VAPB: variants seen among roughly 807,000 people sequenced by gnomAD.
VAPB encodes the protein VAMP associated protein B and C, also known as vesicle-associated membrane protein-associated protein B/C.
Under a neutral mutation model 25.6 loss-of-function variants are expected in VAPB, and 7 were observed. That is an observed-to-expected ratio of 0.27 (90% CI 0.16 to 0.51). The LOEUF (loss-of-function observed/expected upper bound fraction) is 0.51. VAPB is among the 20% of genes least tolerant of loss of function. VAPB has a pLI of 0.97. For synonymous variants in VAPB, 112 were observed against 109.2 expected (o/e 1.03, Z -0.16); for missense variants, 266 against 301.3 (o/e 0.88, Z 0.87).
At chr20:58,408,642 A>G (rs1242594095) in intron 1 of VAPB, among the ~76,000 whole-genome samples, 4 of 151,988 alleles carry the variant, frequency 2.6e-5, no homozygotes, top group African/African-American at 9.7e-5. Context: ...AAAAAACACC[A>G]TAGAATAATT....
rs1989311671 is a variant in VAPB at position 58,447,111 on chromosome 20, A to G, written c.*2876A>G. ...CTGCTCCTGTGGTTACTGGCTCCAC[A>G]GCACCTCAGAGAGGGCGGCCCTGGC... On this transcript the variant is annotated 3_prime_UTR_variant, in exon 6 of 6. Transcript: ENST00000475243. 4.4e-6 allele frequency: 2 copies of G among 454,128 alleles called. No individual in the cohort carries two copies. Among genetic ancestry groups the G allele is most frequent in the Non-Finnish European group, 4.4e-6 (1 of 226,784 alleles). 28.1% of individuals were successfully genotyped at this position (454,128 alleles called of 1,614,324 possible). A position where few individuals can be genotyped will look rare whatever the true frequency, so the allele number is the denominator to read the frequency against.
chr20:58,413,316 C>T (rs1336457528), intron 1 of VAPB, among the ~76,000 whole-genome samples: 10 of 151,494 alleles, frequency 6.6e-5, no homozygotes, highest in Non-Finnish European at 1.3e-4. Context: ...TGTTTGTGTC[C>T]CTGGGTACTT....
intron 3 of VAPB, among the ~76,000 whole-genome samples, chr20:58,437,156 G>A (rs2123093870): frequency 6.6e-6 from 1 of 151,312 alleles, no homozygotes; most frequent in East Asian, 1.9e-4. Flanking sequence ...TATAGAGTTG[G>A]GGTCTCACTA....
At chr20:58,410,195 TA>T (rs904714642) in intron 1 of VAPB, among the ~76,000 whole-genome samples, 26 of 152,316 alleles carry the variant, frequency 1.7e-4, no homozygotes, top group African/African-American at 6.0e-4. Flanking sequence ...GTACATTGGT[TA>T]CCATTGGTGA....
At chr20:58,398,913 G>A (rs1988028338) in intron 1 of VAPB, among the ~76,000 whole-genome samples, 1 of 151,970 alleles carries the variant, frequency 6.6e-6, no homozygotes, top group Non-Finnish European at 1.5e-5. Context: ...AGATAAGTGG[G>A]AGTGTGCCCT....
rs757744162 is a variant in VAPB at position 58,434,705 on chromosome 20, A to G, written c.315A>G (p.Val105=). 5.6e-6 allele frequency: 8 copies of G among 1,428,908 alleles called. No homozygotes were observed. The highest frequency in any genetic ancestry group is 6.9e-6 in the Non-Finnish European group (7 of 1,011,918). The allele number at this position is 1,428,908 out of a possible 1,614,324, so 88.5% of individuals were successfully genotyped here. ...APTDTSDMEA[V]WKEAKPEDLM... is the part of the protein sequence containing the mutation. ...CTGACACTTCAGATATGGAAGCAGT[A>G]GTAAGTACTGAATGCTTCTTATTTT... The change falls in exon 3 of 6, where the codon GTA becomes GTG. Residue 105 remains valine (V), a splice_region_variant and synonymous_variant. Coordinates refer to ENST00000475243, the MANE Select transcript of VAPB (RefSeq NM_004738.5).
chr20:58,389,639 G>A, intron 1 of VAPB, 122 bp downstream of exon 1: 1 of 1,108,166 alleles, frequency 9.0e-7, no homozygotes, highest in African/African-American at 1.7e-5. Flanking sequence ...GTCGCGGGGG[G>A]CGGCGAGGCC....
Position 58,447,650 on chromosome 20 carries a change from CTG to C in VAPB, c.*3426_*3427del, listed in dbSNP as rs1475340987. 2.8e-6 allele frequency: 1 copy of C among 359,990 alleles called. No individual in the cohort carries two copies. Among genetic ancestry groups the C allele is most frequent in the Non-Finnish European group, 5.3e-6 (1 of 187,090 alleles). 22.3% of individuals were successfully genotyped at this position (359,990 alleles called of 1,614,324 possible). A position where few individuals can be genotyped will look rare whatever the true frequency, so the allele number is the denominator to read the frequency against. On this transcript the variant is annotated 3_prime_UTR_variant, in exon 6 of 6. Coordinates refer to ENST00000475243, the MANE Select transcript of VAPB (RefSeq NM_004738.5). ...TTTCAGATGAATTTGAAAACAGACT[CTG>C]TGTGTGTGTGCATGTGTGCATGTGT...
chr20:58,445,257 C>A lies in VAPB; in HGVS notation c.*1022C>A, dbSNP rs1403046933. 3 of 454,122 alleles carry A rather than the reference C, an allele frequency of 6.6e-6. No homozygotes were observed. The highest frequency in any genetic ancestry group is 1.3e-5 in the Non-Finnish European group (3 of 226,786). 28.1% of individuals were successfully genotyped at this position (454,122 alleles called of 1,614,324 possible). On this transcript the variant is annotated 3_prime_UTR_variant, in exon 6 of 6. Coordinates refer to ENST00000475243, the MANE Select transcript of VAPB (RefSeq NM_004738.5). ...AGTCTTCTAGATTGTTCTTATACCA[C>A]CTCTCAACCATTACTCACACTTCCA...
intron 2 of VAPB, among the ~76,000 whole-genome samples, chr20:58,426,321 C>T (rs1397263660): frequency 6.6e-6 from 1 of 152,166 alleles, no homozygotes; most frequent in Non-Finnish European, 1.5e-5. Context: ...CCTCAGCCTC[C>T]CAAGTAGCTG....
chr20:58,435,972 T>C (rs1350249457), intron 3 of VAPB, among the ~76,000 whole-genome samples: 1 of 152,158 alleles, frequency 6.6e-6, no homozygotes, highest in Non-Finnish European at 1.5e-5. Context: ...TTTACTGACG[T>C]TGTGGCTGGG....
At chr20:58,436,789 T>C (rs904835648) in intron 3 of VAPB, among the ~76,000 whole-genome samples, 3 of 152,178 alleles carry the variant, frequency 2.0e-5, no homozygotes, top group African/African-American at 4.8e-5. Context: ...TTGCTTGAGA[T>C]GCAAATTTAT....
intron 3 of VAPB, among the ~76,000 whole-genome samples, chr20:58,436,326 C>CT (rs1989043708): frequency 9.6e-6 from 1 of 103,898 alleles, no homozygotes; most frequent in Non-Finnish European, 2.0e-5. Flanking sequence ...TGTTTTTCTT[C>CT]CTTTTTTTTT....
chr20:58,437,685 A>C (rs1285085323), intron 3 of VAPB, among the ~76,000 whole-genome samples: 1 of 152,176 alleles, frequency 6.6e-6, no homozygotes, highest in Non-Finnish European at 1.5e-5. Flanking sequence ...GTGTGTGCAG[A>C]GGAGCAGACT....
intron 2 of VAPB, chr20:58,430,954 G>A (rs1421418148): frequency 1.3e-5 from 2 of 152,246 alleles, no homozygotes; most frequent in Non-Finnish European, 2.9e-5. Flanking sequence ...CTGTTAGGAT[G>A]TGTTCTTTTG....
intron 1 of VAPB, among the ~76,000 whole-genome samples, chr20:58,414,843 A>G (rs1391642951): frequency 3.3e-5 from 5 of 152,232 alleles, no homozygotes; most frequent in Non-Finnish European, 7.3e-5. Flanking sequence ...CAGAGGCTGC[A>G]ATCTCAGCAC....
In VAPB at chr20:58,448,692, A is replaced by G; in HGVS notation, c.*4457A>G. 2.2e-6 allele frequency: 1 copy of G among 453,690 alleles called. No homozygotes were observed. The highest frequency in any genetic ancestry group is 2.0e-5 in the African/African-American group (1 of 50,044). 28.1% of individuals were successfully genotyped at this position (453,690 alleles called of 1,614,324 possible). A position where few individuals can be genotyped will look rare whatever the true frequency, so the allele number is the denominator to read the frequency against. On this transcript the variant is annotated 3_prime_UTR_variant, in exon 6 of 6. Transcript: ENST00000475243. ...TTGTGTCTGCCTCCGTACCTTATTC[A>G]GTTATTTTCACACTAAAGTAAGTAG...
At chr20:58,431,129 A>C (rs145945405) in intron 2 of VAPB, 4 of 152,254 alleles carry the variant, frequency 2.6e-5, no homozygotes, top group Non-Finnish European at 5.9e-5. Flanking sequence ...GTGGAATCTG[A>C]AGCCATGTCT....
intron 5 of VAPB, among the ~76,000 whole-genome samples, chr20:58,443,324 C>A (rs146488094): frequency 6.6e-6 from 1 of 150,412 alleles, no homozygotes; most frequent in Non-Finnish European, 1.5e-5. Flanking sequence ...ATCCAGCAGT[C>A]TGGATGTAAC....
Sources: gnomAD v4.1 joint callset for allele counts (sites outside exome capture counted in the v4.1 genomes callset) on GRCh38, gnomAD v4.1.1 for gene constraint, MANE v1.5 for transcripts, NCBI Gene and HGNC (gene_info 2026-07-23, HGNC 2026-07-21) for gene names.